CDKAL1: variants seen among roughly 807,000 people sequenced by gnomAD.
The protein encoded by CDKAL1 is threonylcarbamoyladenosine tRNA methylthiotransferase.
Under a neutral mutation model 68.2 loss-of-function variants are expected in CDKAL1, and 32 were observed. That is an observed-to-expected ratio of 0.47 (90% CI 0.35 to 0.63). CDKAL1 has a LOEUF of 0.63. Ranked by LOEUF, CDKAL1 falls within the 30% of genes least tolerant of loss-of-function variation. The probability of loss-of-function intolerance (pLI) is 0.00; values close to 1 mark genes in which losing one functional copy is unlikely to be tolerated. For missense variants in CDKAL1, 606 were observed against 696.7 expected, an observed-to-expected ratio of 0.87 and a Z score of 1.47; for synonymous variants, 234 against 244.3, an observed-to-expected ratio of 0.96 and a Z score of 0.39.
chr6:20,696,960 A>G (rs991286053), intron 5 of CDKAL1, among the ~76,000 whole-genome samples: 4 of 152,188 alleles, frequency 2.6e-5, no homozygotes, highest in Non-Finnish European at 5.9e-5. Context: ...AAAAAATCCT[A>G]TGTGTTGCTT....
At chr6:20,573,813 CG>C (rs1764805884) in intron 4 of CDKAL1, among the ~76,000 whole-genome samples, 1 of 152,040 alleles carries the variant, frequency 6.6e-6, no homozygotes, top group Non-Finnish European at 1.5e-5. Flanking sequence ...ATAAGGATGC[CG>C]TACAGAGATG....
chr6:21,156,925 T>A (rs1282621891), intron 13 of CDKAL1, among the ~76,000 whole-genome samples: 1 of 152,146 alleles, frequency 6.6e-6, no homozygotes. Flanking sequence ...AGGAGAAGGG[T>A]CTGCTCTCTG....
At chr6:20,905,455 T>A (rs1184964372) in intron 9 of CDKAL1, among the ~76,000 whole-genome samples, 1 of 152,136 alleles carries the variant, frequency 6.6e-6, no homozygotes, top group African/African-American at 2.4e-5. Flanking sequence ...TGTGGAACCT[T>A]ACACCATGAA....
intron 10 of CDKAL1, among the ~76,000 whole-genome samples, chr6:20,994,298 G>A (rs553444890): frequency 6.6e-6 from 1 of 152,262 alleles, no homozygotes; most frequent in African/African-American, 2.4e-5. Flanking sequence ...GGCCGATATG[G>A]TGAAACCCAG....
intron 13 of CDKAL1, among the ~76,000 whole-genome samples, chr6:21,182,519 C>G (rs1213907112): frequency 6.6e-6 from 1 of 152,092 alleles, no homozygotes; most frequent in Non-Finnish European, 1.5e-5. Context: ...GAGTATTTTA[C>G]CCTGCTGTAG....
Position 21,232,003 on chromosome 6 carries a change from G to GTTTTTTTTTTTTTTTTTTTTT in CDKAL1, c.*969_*970insTTTTTTTTTTTTTTTTTTTTT, listed in dbSNP as rs71530402. Reference sequence around the variant, plus strand: ...TTTGATCCATTGGGGTTTTTTTTTTGTTTTTGTTTTTTTTTTTTTTTGAGT... The same window carrying GTTTTTTTTTTTTTTTTTTTTT: ...TTTGATCCATTGGGGTTTTTTTTTTGTTTTTTTTTTTTTTTTTTTTTTTTTTGTTTTTTTTTTTTTTTGAGT... On this transcript the variant is annotated 3_prime_UTR_variant, in exon 16 of 16. Coordinates refer to ENST00000274695, the MANE Select transcript of CDKAL1 (RefSeq NM_017774.3). 6.6e-5 allele frequency: 5 copies of GTTTTTTTTTTTTTTTTTTTTT among 76,088 alleles called. 1 individual carries two copies. The highest frequency in any genetic ancestry group is 3.5e-4 in the East Asian group (1 of 2,868). 4.7% of individuals were successfully genotyped at this position (76,088 alleles called of 1,614,324 possible).
chr6:21,071,251 G>C (rs1771755178), intron 12 of CDKAL1, among the ~76,000 whole-genome samples: 1 of 152,032 alleles, frequency 6.6e-6, no homozygotes, highest in African/African-American at 2.4e-5. Context: ...TTGGATCATG[G>C]GGGCAGATTC....
rs556189515 is a variant in CDKAL1 at position 20,740,889 on chromosome 6, A to G, written c.468+1274A>G. ...TATGGGACTCCCGAGTTATCTTTTC[A>G]TGTCAGACTAACTTTCTCTATAAAC... On this transcript the variant is annotated intron_variant, in intron 6 of 15. Coordinates refer to ENST00000274695, the MANE Select transcript of CDKAL1 (RefSeq NM_017774.3). 2.0e-3 allele frequency among the ~76,000 whole-genome samples: 309 copies of G among 152,306 alleles called. 1 individual carries two copies. Among genetic ancestry groups the G allele is most frequent in the Non-Finnish European group, 3.3e-3 (226 of 68,006 alleles).
At chr6:20,910,770 G>A (rs545655764) in intron 9 of CDKAL1, among the ~76,000 whole-genome samples, 3 of 152,204 alleles carry the variant, frequency 2.0e-5, no homozygotes. Context: ...AAGTCATTTA[G>A]GGTAGGCTCT....
chr6:21,155,692 G>A (rs954389864), intron 13 of CDKAL1, among the ~76,000 whole-genome samples: 1 of 152,160 alleles, frequency 6.6e-6, no homozygotes, highest in Non-Finnish European at 1.5e-5. Context: ...TTGCAATTTG[G>A]TGATTATTCA....
intron 11 of CDKAL1, among the ~76,000 whole-genome samples, chr6:21,034,167 A>T (rs1769448061): frequency 6.6e-6 from 1 of 152,202 alleles, no homozygotes; most frequent in African/African-American, 2.4e-5. Flanking sequence ...GCAGGGACAA[A>T]AACAAAGCCC....
chr6:20,851,571 T>G (rs1759015840), intron 9 of CDKAL1, among the ~76,000 whole-genome samples: 1 of 151,978 alleles, frequency 6.6e-6, no homozygotes, highest in African/African-American at 2.4e-5. Context: ...ACTTTTTGGC[T>G]CCCTCATAAA....
intron 5 of CDKAL1, among the ~76,000 whole-genome samples, chr6:20,690,094 C>T (rs1241492982): frequency 6.6e-6 from 1 of 152,092 alleles, no homozygotes; most frequent in East Asian, 1.9e-4. Flanking sequence ...TATGACTTGC[C>T]AATCTTTTTT....
intron 5 of CDKAL1, among the ~76,000 whole-genome samples, chr6:20,701,948 T>C (rs1463413770): frequency 6.6e-6 from 1 of 152,202 alleles, no homozygotes; most frequent in Non-Finnish European, 1.5e-5. Context: ...CAGATCCTGC[T>C]GTGATGCCGT....
chr6:20,978,823 G>C (rs1485445596), intron 10 of CDKAL1, among the ~76,000 whole-genome samples: 2 of 152,080 alleles, frequency 1.3e-5, no homozygotes, highest in Non-Finnish European at 2.9e-5. Flanking sequence ...AGTGAATGTG[G>C]GATTGCTTTG....
At chr6:20,587,003 T>TTA (rs1765392729) in intron 4 of CDKAL1, among the ~76,000 whole-genome samples, 3 of 147,830 alleles carry the variant, frequency 2.0e-5, no homozygotes, top group African/African-American at 5.0e-5. Flanking sequence ...TTTTTTTTTT[T>TTA]GAGACGGAGT....
intron 12 of CDKAL1, among the ~76,000 whole-genome samples, chr6:21,069,137 T>C (rs1443843489): frequency 1.3e-5 from 2 of 152,222 alleles, no homozygotes; most frequent in Non-Finnish European, 1.5e-5. Context: ...AATTTTTCCA[T>C]TCCAATTCTC....
intron 9 of CDKAL1, among the ~76,000 whole-genome samples, chr6:20,858,467 G>A (rs1384924091): frequency 6.6e-6 from 1 of 152,094 alleles, no homozygotes; most frequent in Non-Finnish European, 1.5e-5. Context: ...TGATACGCCT[G>A]TAATGTGAAA....
At chr6:20,741,787 T>C (rs1045650029) in intron 6 of CDKAL1, among the ~76,000 whole-genome samples, 1 of 152,162 alleles carries the variant, frequency 6.6e-6, no homozygotes, top group African/African-American at 2.4e-5. Context: ...GCATGTGTTT[T>C]TGTGGTAGAA....
Sources: gnomAD v4.1 joint callset for allele counts (sites outside exome capture counted in the v4.1 genomes callset) on GRCh38, gnomAD v4.1.1 for gene constraint, MANE v1.5 for transcripts, NCBI Gene and HGNC (gene_info 2026-07-23, HGNC 2026-07-21) for gene names.